THADA: variants seen among roughly 807,000 people sequenced by gnomAD.
THADA encodes tRNA (32-2'-O)-methyltransferase regulator THADA.
THADA carries 213 observed loss-of-function variants against 219.8 expected under a neutral mutation model. The observed-to-expected ratio is 0.97, with a 90% CI of 0.87 to 1.09. The LOEUF (loss-of-function observed/expected upper bound fraction) is 1.09. THADA is among the 50% of genes least tolerant of loss of function. THADA has a pLI of 0.00. For synonymous variants in THADA, 1,018 were observed against 828.9 expected (o/e 1.23, Z -3.92); for missense variants, 2,956 against 2,311.3 (o/e 1.28, Z -5.72).
intron 29 of THADA, among the ~76,000 whole-genome samples, chr2:43,349,863 T>C (rs966657202): frequency 2.6e-5 from 4 of 152,282 alleles, no homozygotes; most frequent in East Asian, 1.9e-4. Flanking sequence ...AGACTGCAGG[T>C]GAATATTTTT....
At chr2:43,393,089 C>T (rs1673585593) in intron 29 of THADA, among the ~76,000 whole-genome samples, 1 of 152,142 alleles carries the variant, frequency 6.6e-6, no homozygotes, top group South Asian at 2.1e-4. Flanking sequence ...TCTGTATTTC[C>T]AGATACAGAT....
At chr2:43,582,728 C>A (rs1700593166) in intron 7 of THADA, among the ~76,000 whole-genome samples, 1 of 151,536 alleles carries the variant, frequency 6.6e-6, no homozygotes, top group African/African-American at 2.4e-5. Flanking sequence ...CCATCATGCC[C>A]AGCTGATTTT....
At chr2:43,506,370 G>C (rs17030946) in intron 23 of THADA, among the ~76,000 whole-genome samples, 68 of 152,196 alleles carry the variant, frequency 4.5e-4, no homozygotes, top group Non-Finnish European at 7.5e-4. Context: ...CATAAAAATA[G>C]GGTATTAAGC....
intron 26 of THADA, among the ~76,000 whole-genome samples, chr2:43,475,400 G>A (rs952597386): frequency 1.3e-5 from 2 of 148,360 alleles, no homozygotes; most frequent in African/African-American, 2.5e-5. Context: ...TCCAGCCTGG[G>A]CGACAGAGCT....
rs375058401 is a variant in THADA, at chr2:43,230,987, C to T, written c.5823G>A (p.Ser1941=). The change falls in exon 38 of 38, where the codon TCG becomes TCA. Residue 1941 remains serine, a synonymous_variant. Transcript: ENST00000405975. ...VLSVWDSYAE[S]RQLTLPRTEA... ...CTGTTCTTGGAAGAGTTAACTGCCT[C>T]GATTCTGCATAAGAGTCCCAAACAC... 1.3e-5 allele frequency: 21 copies of T among 1,613,420 alleles called. No homozygotes were observed. The highest frequency in any genetic ancestry group is 3.3e-5 in the Admixed American group (2 of 59,978).
chr2:43,484,568 C>T (rs922224338), intron 26 of THADA: 1 of 168,034 alleles, frequency 6.0e-6, no homozygotes, highest in Non-Finnish European at 1.5e-5. Flanking sequence ...AACAACTATT[C>T]AAAGCTTTTC....
intron 25 of THADA, among the ~76,000 whole-genome samples, chr2:43,487,160 C>A (rs969045120): frequency 2.6e-5 from 4 of 152,154 alleles, no homozygotes; most frequent in African/African-American, 9.7e-5. Context: ...ATAATCTCTG[C>A]CCTCATTCAG....
rs75359897 is a variant in THADA, at chr2:43,357,368, T to A, written c.4228-13131A>T. On this transcript the variant is annotated intron_variant, in intron 29 of 37. Coordinates refer to ENST00000405975, the MANE Select transcript of THADA (RefSeq NM_022065.5). ...GAAGTATAAATTGTCACAACCTTTT[T>A]GGAGGGTAATCAGCAGAGTCATGTT... Among the ~76,000 whole-genome samples the A allele has an allele frequency of 2.3e-3, 352 of 152,306 alleles. 4 individuals are homozygous for A. The highest frequency in any genetic ancestry group is 0.021 in the East Asian group (108 of 5,190).
intron 31 of THADA, among the ~76,000 whole-genome samples, chr2:43,307,393 T>C (rs1471456981): frequency 6.6e-6 from 1 of 151,662 alleles, no homozygotes; most frequent in Non-Finnish European, 1.5e-5. Flanking sequence ...AGGGACCCTG[T>C]GAATCTTTCA....
At chr2:43,266,967 C>T (rs994525443) in intron 36 of THADA, among the ~76,000 whole-genome samples, 9 of 152,008 alleles carry the variant, frequency 5.9e-5, no homozygotes, top group Non-Finnish European at 1.3e-4. Flanking sequence ...TTTTTTTGGT[C>T]TCTACTAAGT....
intron 26 of THADA, among the ~76,000 whole-genome samples, chr2:43,464,380 T>C (rs992943788): frequency 2.6e-5 from 4 of 152,192 alleles, no homozygotes; most frequent in Non-Finnish European, 5.9e-5. Context: ...TTTGAATCAA[T>C]CAATGAATAC....
intron 36 of THADA, among the ~76,000 whole-genome samples, chr2:43,236,258 G>C (rs1005001800): frequency 6.6e-6 from 1 of 152,236 alleles, no homozygotes; most frequent in African/African-American, 2.4e-5. Flanking sequence ...GCAAGGCAAG[G>C]ACAGAAGAGG....
intron 22 of THADA, among the ~76,000 whole-genome samples, chr2:43,523,735 T>A (rs1232797625): frequency 1.3e-5 from 2 of 152,156 alleles, no homozygotes; most frequent in African/African-American, 4.8e-5. Flanking sequence ...TTCAGGCCAA[T>A]AATGTGAAAA....
At chr2:43,523,452 A>G (rs1043670618) in intron 22 of THADA, among the ~76,000 whole-genome samples, 3 of 152,190 alleles carry the variant, frequency 2.0e-5, no homozygotes, top group African/African-American at 7.2e-5. Context: ...CAAATCTTAT[A>G]TATTACATTC....
chr2:43,584,003 C>T (rs145378479), intron 7 of THADA, among the ~76,000 whole-genome samples: 56 of 141,634 alleles, frequency 4.0e-4, no homozygotes, highest in African/African-American at 1.4e-3. Flanking sequence ...TCCTGCACTC[C>T]AGCTTGGGTG....
chr2:43,488,583 T>G (rs1354897764), intron 25 of THADA, among the ~76,000 whole-genome samples: 1 of 152,236 alleles, frequency 6.6e-6, no homozygotes, highest in Non-Finnish European at 1.5e-5. Flanking sequence ...TGTTCTTCAT[T>G]TGACGGACAT....
intron 35 of THADA, among the ~76,000 whole-genome samples, chr2:43,282,254 G>C (rs1673447197): frequency 6.6e-6 from 1 of 152,082 alleles, no homozygotes; most frequent in Non-Finnish European, 1.5e-5. Context: ...TTATTCCTTC[G>C]GGTCTCATGA....
At chr2:43,504,827 T>C (rs1186081510) in intron 24 of THADA, among the ~76,000 whole-genome samples, 1 of 152,140 alleles carries the variant, frequency 6.6e-6, no homozygotes, top group Non-Finnish European at 1.5e-5. Context: ...GAGGTTGCAG[T>C]GAGCCACGAT....
chr2:43,495,589 T>C (rs1172765146), intron 25 of THADA, among the ~76,000 whole-genome samples: 1 of 152,092 alleles, frequency 6.6e-6, no homozygotes, highest in African/African-American at 2.4e-5. Context: ...AGTGCACATG[T>C]ATTACTGTTT....
Sources: gnomAD v4.1 joint callset for allele counts (sites outside exome capture counted in the v4.1 genomes callset) on GRCh38, gnomAD v4.1.1 for gene constraint, MANE v1.5 for transcripts, NCBI Gene and HGNC (gene_info 2026-07-23, HGNC 2026-07-21) for gene names.